The following ZEB1 variants were observed in gnomAD, a reference collection of about 807,000 sequenced individuals.
The protein encoded by ZEB1 is zinc finger E-box-binding homeobox 1.
Under a neutral mutation model 84.9 loss-of-function variants are expected in ZEB1, and 21 were observed. The observed-to-expected ratio is 0.25, with a 90% CI of 0.18 to 0.36. ZEB1 has a LOEUF of 0.36. ZEB1 is among the 10% of genes least tolerant of loss of function. The pLI is 1.00. For missense variants in ZEB1, 1,104 were observed against 1,330.2 expected (o/e 0.83, Z 2.65); for synonymous variants, 420 against 471.1 (o/e 0.89, Z 1.41).
chr10:31,523,895 A>T, intron 7 of ZEB1, 38 bp from the exon 8 acceptor site: 1 of 1,600,694 alleles, frequency 6.2e-7, no homozygotes, highest in South Asian at 1.1e-5. Context: ...TTATCTTTTA[A>T]TGTTAAATTA....
At position 31,407,702 on chromosome 10, in the gene ZEB1, G is replaced by A. The variant is rs147771252; in HGVS notation, c.59-53335G>A. Among the ~76,000 whole-genome samples the A allele has an allele frequency of 5.0e-3, 760 of 152,078 alleles. 2 individuals carry two copies. The highest frequency in any genetic ancestry group is 8.6e-3 in the Non-Finnish European group (582 of 68,002). Reference sequence around the variant, plus strand: ...TTGACAAAATTCAACAACACTTCATGCTAAAAATTCTCAATAAATTAGGTA... The same window carrying A: ...TTGACAAAATTCAACAACACTTCATACTAAAAATTCTCAATAAATTAGGTA... On this transcript the variant is annotated intron_variant, in intron 1 of 8. Transcript: ENST00000424869.
At chr10:31,498,754 CTT>C (rs1174150163) in intron 3 of ZEB1, among the ~76,000 whole-genome samples, 1 of 151,848 alleles carries the variant, frequency 6.6e-6, no homozygotes, top group Non-Finnish European at 1.5e-5. Context: ...TACCTATTAT[CTT>C]TTTTAAAAAT....
At chr10:31,325,220 A>C (rs1324346317) in intron 1 of ZEB1, among the ~76,000 whole-genome samples, 2 of 152,080 alleles carry the variant, frequency 1.3e-5, no homozygotes, top group Non-Finnish European at 2.9e-5. Context: ...CTTAATTTTT[A>C]GAACTTCATT....
chr10:31,323,256 C>T (rs1309580646), intron 1 of ZEB1, among the ~76,000 whole-genome samples: 10 of 152,016 alleles, frequency 6.6e-5, no homozygotes, highest in African/African-American at 2.2e-4. Context: ...TTAATCACCC[C>T]TTTTTAAAAT....
chr10:31,506,161 G>GT (rs1379604431), intron 4 of ZEB1, among the ~76,000 whole-genome samples: 1 of 151,936 alleles, frequency 6.6e-6, no homozygotes, highest in African/African-American at 2.4e-5. Context: ...TTAAAAATTT[G>GT]TTTGAGACTT....
At chr10:31,365,670 G>T (rs1245044200) in intron 1 of ZEB1, among the ~76,000 whole-genome samples, 5 of 152,144 alleles carry the variant, frequency 3.3e-5, no homozygotes, top group Admixed American at 2.6e-4. Context: ...CTATTTAACA[G>T]TCATATGAAT....
chr10:31,445,323 A>G (rs1224644774), intron 1 of ZEB1, among the ~76,000 whole-genome samples: 25 of 149,348 alleles, frequency 1.7e-4, no homozygotes, highest in African/African-American at 2.8e-4. Flanking sequence ...GGGCTGAGAC[A>G]ATGGGGTTTT....
intron 1 of ZEB1, among the ~76,000 whole-genome samples, chr10:31,443,875 G>T (rs1255966035): frequency 6.6e-6 from 1 of 151,144 alleles, no homozygotes; most frequent in Non-Finnish European, 1.5e-5. Context: ...ATAAACATAC[G>T]TGTGCATGTG....
intron 1 of ZEB1, among the ~76,000 whole-genome samples, chr10:31,347,734 T>C (rs2040566609): frequency 6.6e-6 from 1 of 152,200 alleles, no homozygotes; most frequent in African/African-American, 2.4e-5. Context: ...AAACAATTTT[T>C]ATCATAAATA....
intron 1 of ZEB1, among the ~76,000 whole-genome samples, chr10:31,449,262 T>C (rs994209392): frequency 6.6e-6 from 1 of 152,242 alleles, no homozygotes; most frequent in Non-Finnish European, 1.5e-5. Context: ...TGCCTCGCCC[T>C]GCTTCGGCTT....
chr10:31,460,689 C>T (rs2061709810), intron 1 of ZEB1, among the ~76,000 whole-genome samples: 1 of 152,096 alleles, frequency 6.6e-6, no homozygotes, highest in Non-Finnish European at 1.5e-5. Context: ...GTTACTCTCT[C>T]TCTGCCTTGA....
At chr10:31,413,256 C>T (rs2054623901) in intron 1 of ZEB1, among the ~76,000 whole-genome samples, 2 of 152,104 alleles carry the variant, frequency 1.3e-5, no homozygotes, top group African/African-American at 2.4e-5. Context: ...TAGCGTAAAT[C>T]AAAGAATATA....
intron 1 of ZEB1, among the ~76,000 whole-genome samples, chr10:31,344,217 G>A (rs1206322827): frequency 6.6e-6 from 1 of 151,872 alleles, no homozygotes; most frequent in Non-Finnish European, 1.5e-5. Flanking sequence ...TATAGCCATG[G>A]GCTTTTTAAA....
At chr10:31,321,461 C>T in intron 1 of ZEB1, 10 of 1,613,878 alleles carry the variant, frequency 6.2e-6, no homozygotes, top group Non-Finnish European at 7.6e-6. Flanking sequence ...TTTTAATTTC[C>T]TGTTTTAGCG....
chr10:31,321,855 G>GA, intron 1 of ZEB1: 4 of 347,476 alleles, frequency 1.2e-5, no homozygotes, highest in South Asian at 4.2e-5. Context: ...TGTGCAGGTA[G>GA]AAAAAAAGAT....
At chr10:31,326,721 T>C (rs1381357804) in intron 1 of ZEB1, among the ~76,000 whole-genome samples, 1 of 152,232 alleles carries the variant, frequency 6.6e-6, no homozygotes, top group Non-Finnish European at 1.5e-5. Flanking sequence ...ATACCATGAA[T>C]TTTCAAATTT....
At chr10:31,345,706 T>C (rs1242033427) in intron 1 of ZEB1, among the ~76,000 whole-genome samples, 1 of 152,146 alleles carries the variant, frequency 6.6e-6, no homozygotes, top group Non-Finnish European at 1.5e-5. Flanking sequence ...AACAGCCTCA[T>C]TCATTTATAG....
intron 1 of ZEB1, among the ~76,000 whole-genome samples, chr10:31,449,293 C>G (rs1173324660): frequency 1.3e-5 from 2 of 152,374 alleles, no homozygotes; most frequent in East Asian, 3.9e-4. Context: ...CGCGCACCCA[C>G]TGGCCTGCGC....
At chr10:31,442,404 G>A (rs1395736775) in intron 1 of ZEB1, among the ~76,000 whole-genome samples, 1 of 151,834 alleles carries the variant, frequency 6.6e-6, no homozygotes, top group Non-Finnish European at 1.5e-5. Context: ...ACCGGGGTCT[G>A]TCGTGGCATG....
Sources: gnomAD v4.1 joint callset for allele counts (sites outside exome capture counted in the v4.1 genomes callset) on GRCh38, gnomAD v4.1.1 for gene constraint, MANE v1.5 for transcripts, NCBI Gene and HGNC (gene_info 2026-07-23, HGNC 2026-07-21) for gene names.